Variants in CNTN6 observed in about 807,000 individuals in gnomAD.
CNTN6 encodes the protein contactin 6, also known as contactin-6.
Under a neutral mutation model 122.8 loss-of-function variants are expected in CNTN6, and 137 were observed. The ratio of observed to expected loss-of-function variants is 1.12; its 90% confidence interval spans 0.97 to 1.29. The LOEUF (loss-of-function observed/expected upper bound fraction) is 1.29, where lower values mean the gene tolerates loss of function less well. CNTN6 is among the 50% of genes most tolerant of loss of function. The probability of loss-of-function intolerance (pLI) is 0.00; values close to 1 mark genes in which losing one functional copy is unlikely to be tolerated. For synonymous variants in CNTN6, 570 were observed against 426.0 expected (o/e 1.34, Z -4.16); for missense variants, 1,634 against 1,223.4 (o/e 1.34, Z -5.01).
chr3:1,390,523 A>G (rs1693959999), intron 20 of CNTN6, among the ~76,000 whole-genome samples: 1 of 152,130 alleles, frequency 6.6e-6, no homozygotes, highest in Non-Finnish European at 1.5e-5. Context: ...GAGCAAACAC[A>G]TTCAAAAGCT....
At chr3:1,339,248 C>T (rs1389971357) in intron 11 of CNTN6, among the ~76,000 whole-genome samples, 2 of 152,098 alleles carry the variant, frequency 1.3e-5, no homozygotes, top group Non-Finnish European at 2.9e-5. Context: ...CTCCTCAATC[C>T]CTCTCACCCT....
intron 19 of CNTN6, among the ~76,000 whole-genome samples, chr3:1,384,756 T>C (rs1055095920): frequency 0.031 from 4,241 of 135,994 alleles, 105 homozygotes; most frequent in South Asian, 0.049. Flanking sequence ...TACACATATA[T>C]ATACATATAT....
chr3:1,234,091 G>T lies in CNTN6; in HGVS notation c.358+6098G>T, dbSNP rs78249332. Among the ~76,000 whole-genome samples, 1,362 of 152,252 alleles carry T rather than the reference G, an allele frequency of 8.9e-3. 27 individuals carry two copies. Among genetic ancestry groups the T allele is most frequent in the African/African-American group, 0.031 (1,281 of 41,536 alleles). ...ATACCTGTAAGCTATTCTTAACCAT[G>T]TTTTACAGGTGAAGACATTAAAAGG... On this transcript the variant is annotated intron_variant, in intron 4 of 22. Coordinates refer to ENST00000446702, the MANE Select transcript of CNTN6 (RefSeq NM_001289080.2).
At chr3:1,284,380 GCTTTTGT>G (rs1413221212) in intron 5 of CNTN6, among the ~76,000 whole-genome samples, 1 of 152,176 alleles carries the variant, frequency 6.6e-6, no homozygotes, top group Non-Finnish European at 1.5e-5. Flanking sequence ...AAATGAAAGT[GCTTTTGT>G]CTTAGTGGGT....
At chr3:1,358,291 C>A (rs1191804347) in intron 12 of CNTN6, among the ~76,000 whole-genome samples, 1 of 151,884 alleles carries the variant, frequency 6.6e-6, no homozygotes, top group Non-Finnish European at 1.5e-5. Context: ...CCTGCCCAAA[C>A]CTGCAAACAC....
chr3:1,245,325 T>TATA lies in CNTN6; in HGVS notation c.358+17333_358+17335dup, dbSNP rs1559598327. On this transcript the variant is annotated intron_variant, in intron 4 of 22. Transcript: ENST00000446702. ...ATATATATATATATATATATATATATATATATATATAGCATGGAATACTAC... is the reference window on the plus strand; with the variant it reads ...ATATATATATATATATATATATATATATAATATATATATAGCATGGAATACTAC... Among the ~76,000 whole-genome samples, 423 of 48,752 alleles carry TATA rather than the reference T, an allele frequency of 8.7e-3. 50 individuals carry two copies. Among genetic ancestry groups the TATA allele is most frequent in the Middle Eastern group, 0.016 (1 of 64 alleles). The allele number at this position is 48,752 out of a possible 152,430, so 32.0% of individuals were successfully genotyped here. A position where few individuals can be genotyped will look rare whatever the true frequency, so the allele number is the denominator to read the frequency against.
intron 6 of CNTN6, 118 bp from the exon 7 acceptor site, chr3:1,297,771 A>G: frequency 2.5e-6 from 2 of 809,654 alleles, no homozygotes; most frequent in Non-Finnish European, 4.1e-6. Flanking sequence ...TCCAATTCTT[A>G]ACTGAAAACC....
intron 1 of CNTN6, among the ~76,000 whole-genome samples, chr3:1,112,219 T>C (rs944646444): frequency 6.6e-6 from 1 of 152,230 alleles, no homozygotes; most frequent in Non-Finnish European, 1.5e-5. Flanking sequence ...GTAAGAAAGA[T>C]AGACACTGTG....
chr3:1,096,469 G>T (rs745338653), intron 1 of CNTN6, among the ~76,000 whole-genome samples: 13 of 152,072 alleles, frequency 8.5e-5, no homozygotes, highest in Non-Finnish European at 2.9e-5. Flanking sequence ...CACCAATTTT[G>T]TACATGTTGT....
chr3:1,221,235 T>C (rs564421940), intron 3 of CNTN6, among the ~76,000 whole-genome samples: 1 of 149,876 alleles, frequency 6.7e-6, no homozygotes, highest in African/African-American at 2.5e-5. Flanking sequence ...AAAAGAAAGA[T>C]AAAAGGAAAG....
intron 11 of CNTN6, among the ~76,000 whole-genome samples, chr3:1,331,862 G>GA (rs920895702): frequency 6.6e-5 from 10 of 151,040 alleles, no homozygotes; most frequent in East Asian, 2.0e-4. Flanking sequence ...AAGATAATAA[G>GA]AAAAAAAAGC....
intron 4 of CNTN6, among the ~76,000 whole-genome samples, chr3:1,274,578 T>A (rs1691976997): frequency 6.6e-6 from 1 of 152,184 alleles, no homozygotes; most frequent in Admixed American, 6.5e-5. Flanking sequence ...GAACTCATAC[T>A]TTACATGGAT....
chr3:1,396,292 T>C (rs1694981032), intron 20 of CNTN6, among the ~76,000 whole-genome samples: 1 of 152,164 alleles, frequency 6.6e-6, no homozygotes, highest in Non-Finnish European at 1.5e-5. Flanking sequence ...CAGGCCTATA[T>C]ATGGTCAAAT....
intron 11 of CNTN6, among the ~76,000 whole-genome samples, chr3:1,335,915 G>T (rs1432764372): frequency 6.6e-6 from 1 of 151,986 alleles, no homozygotes; most frequent in Non-Finnish European, 1.5e-5. Flanking sequence ...ACACCCCTGT[G>T]GTGCCAGCTA....
At chr3:1,301,181 C>T (rs1485136265) in intron 7 of CNTN6, among the ~76,000 whole-genome samples, 1 of 151,800 alleles carries the variant, frequency 6.6e-6, no homozygotes, top group Non-Finnish European at 1.5e-5. Flanking sequence ...GAATTACAGG[C>T]ACCTGCCACC....
chr3:1,127,097 T>C (rs1196949331), intron 1 of CNTN6, among the ~76,000 whole-genome samples: 2 of 151,600 alleles, frequency 1.3e-5, no homozygotes, highest in African/African-American at 4.8e-5. Flanking sequence ...GTGCTATATA[T>C]AATTTATACA....
chr3:1,364,243 A>T (rs1476213708), intron 12 of CNTN6, among the ~76,000 whole-genome samples: 1 of 151,992 alleles, frequency 6.6e-6, no homozygotes, highest in Non-Finnish European at 1.5e-5. Flanking sequence ...CAAGTTAACT[A>T]GCAAGAGAAA....
intron 4 of CNTN6, among the ~76,000 whole-genome samples, chr3:1,241,596 A>T (rs1356943166): frequency 2.0e-5 from 3 of 152,174 alleles, no homozygotes; most frequent in African/African-American, 7.2e-5. Flanking sequence ...GACCCAGGAC[A>T]TCCAATTAGA....
At chr3:1,221,209 A>C (rs1010320188) in intron 3 of CNTN6, among the ~76,000 whole-genome samples, 4 of 152,140 alleles carry the variant, frequency 2.6e-5, no homozygotes, top group Admixed American at 2.0e-4. Flanking sequence ...AGCAAGTAAC[A>C]CAGGAAGCCA....
Sources: gnomAD v4.1 joint callset for allele counts (sites outside exome capture counted in the v4.1 genomes callset) on GRCh38, gnomAD v4.1.1 for gene constraint, MANE v1.5 for transcripts, NCBI Gene and HGNC (gene_info 2026-07-23, HGNC 2026-07-21) for gene names.